BPIFA2: variants seen among roughly 807,000 people sequenced by gnomAD.
The protein encoded by BPIFA2 is BPI fold containing family A member 2.
In BPIFA2, 20 loss-of-function variants were observed where a neutral mutation model predicts 25.7. That is an observed-to-expected ratio of 0.78 (90% CI 0.55 to 1.13). The LOEUF is 1.13. Ranked by LOEUF, BPIFA2 falls within the 50% of genes most tolerant of loss-of-function variation. BPIFA2 has a pLI of 0.00. For synonymous variants in BPIFA2, 126 were observed against 124.3 expected (o/e 1.01, Z -0.09); for missense variants, 300 against 298.1 (o/e 1.01, Z -0.05).
At chr20:33,164,350 G>A (rs1271018765), upstream of BPIFA2, among the ~76,000 whole-genome samples, 4 of 152,096 alleles carry the variant, frequency 2.6e-5, no homozygotes, top group Non-Finnish European at 4.4e-5. Context: ...CAGAGAGCTC[G>A]CTCATGTCAA....
rs1983833327 is a variant in BPIFA2 at position 33,169,542 on chromosome 20, CA to C, written c.157+244del. On this transcript the variant is annotated intron_variant, in intron 2 of 8. Coordinates refer to ENST00000354932, the MANE Select transcript of BPIFA2 (RefSeq NM_080574.4). ...AGATAAATTCCTACAAGTGGGATTT[CA>C]AAAGTTCAAAAACTATGCTGTTGAC... is the stretch of plus-strand genomic sequence containing the variant. Among the ~76,000 whole-genome samples the C allele has an allele frequency of 5.3e-5, 8 of 152,306 alleles. No individual in the cohort carries two copies. In the South Asian group the frequency reaches 1.7e-3, roughly 32 times the overall value.
chr20:33,173,507 A>G (rs1171227371), intron 3 of BPIFA2, among the ~76,000 whole-genome samples: 2 of 151,882 alleles, frequency 1.3e-5, no homozygotes, highest in Non-Finnish European at 2.9e-5. Context: ...TATTATTGTT[A>G]TTATTATTAT....
intron 2 of BPIFA2, among the ~76,000 whole-genome samples, chr20:33,170,687 C>T (rs918472181): frequency 1.3e-5 from 2 of 152,226 alleles, no homozygotes; most frequent in Non-Finnish European, 2.9e-5. Context: ...AGCCACCACA[C>T]CCAGTCACGA....
chr20:33,174,023 G>C, intron 3 of BPIFA2, 56 bp from the exon 4 acceptor site: 1 of 1,458,524 alleles, frequency 6.9e-7, no homozygotes, highest in Non-Finnish European at 9.6e-7. Flanking sequence ...CCAGGGAAGT[G>C]GTTGGCAAGT....
intron 1 of BPIFA2, 123 bp from the exon 2 acceptor site, chr20:33,169,008 T>C (rs973114485): frequency 4.2e-6 from 4 of 942,742 alleles, no homozygotes; most frequent in Non-Finnish European, 6.4e-6. Context: ...TGCCCATTTG[T>C]AAAATAGGAA....
rs367714865 is a variant in BPIFA2 at position 33,174,074 on chromosome 20, C to T, written c.303-5C>T. 13 of 1,612,688 alleles carry T rather than the reference C, an allele frequency of 8.1e-6. No individual in the cohort carries two copies. The highest frequency in any genetic ancestry group is 1.3e-5 in the African/African-American group (1 of 74,880). On this transcript the variant is annotated splice_region_variant and splice_polypyrimidine_tract_variant and intron_variant, in intron 3 of 8. Coordinates refer to ENST00000354932, the MANE Select transcript of BPIFA2 (RefSeq NM_080574.4). ...TGACAAGGGTGAATTGTGGGTTTCA[C>T]ACAGGTTGAAAATCAGCAACTCCCT...
chr20:33,176,517 A>G (rs925789617), intron 5 of BPIFA2, among the ~76,000 whole-genome samples: 3 of 152,168 alleles, frequency 2.0e-5, no homozygotes, highest in African/African-American at 7.2e-5. Context: ...AAACCAAAGA[A>G]AGTTTCCATA....
chr20:33,169,422 C>A, intron 2 of BPIFA2, 120 bp downstream of exon 2: 2 of 940,096 alleles, frequency 2.1e-6, no homozygotes, highest in Non-Finnish European at 3.2e-6. Flanking sequence ...AGAAAAGTGG[C>A]TATTCAATTC....
chr20:33,179,554 G>T (rs1984199431), intron 6 of BPIFA2, 50 bp from the exon 7 acceptor site: 2 of 1,479,582 alleles, frequency 1.4e-6, no homozygotes, highest in Non-Finnish European at 9.4e-7. Context: ...AGAATGATCT[G>T]TTCTTCCTCC....
At chr20:33,174,864 T>A (rs1329057419) in intron 4 of BPIFA2, among the ~76,000 whole-genome samples, 3 of 152,216 alleles carry the variant, frequency 2.0e-5, no homozygotes, top group African/African-American at 7.2e-5. Flanking sequence ...TGAGCCGTGA[T>A]TGCACCACTG....
At chr20:33,170,220 T>C (rs1983854975) in intron 2 of BPIFA2, among the ~76,000 whole-genome samples, 1 of 152,228 alleles carries the variant, frequency 6.6e-6, no homozygotes, top group African/African-American at 2.4e-5. Context: ...TGTCATTCTC[T>C]GAATCATTAT....
At chr20:33,177,241 G>C (rs1270576700) in intron 5 of BPIFA2, among the ~76,000 whole-genome samples, 1 of 151,928 alleles carries the variant, frequency 6.6e-6, no homozygotes, top group Non-Finnish European at 1.5e-5. Flanking sequence ...TGTAATCCCA[G>C]CTACTCGGGA....
chr20:33,176,726 A>G (rs1984091107), intron 5 of BPIFA2, among the ~76,000 whole-genome samples: 1 of 152,036 alleles, frequency 6.6e-6, no homozygotes, highest in Non-Finnish European at 1.5e-5. Flanking sequence ...AGTGCTCCCC[A>G]TGGTCATGAA....
intron 5 of BPIFA2, 128 bp from the exon 6 acceptor site, chr20:33,178,015 CTGTT>C: frequency 1.7e-6 from 1 of 594,830 alleles, no homozygotes; most frequent in Non-Finnish European, 3.0e-6. Flanking sequence ...GAGGCTCTGT[CTGTT>C]AAAGTGTCTC....
intron 5 of BPIFA2, 131 bp downstream of exon 5, chr20:33,175,690 G>C: frequency 2.1e-6 from 2 of 969,940 alleles, no homozygotes; most frequent in Non-Finnish European, 1.5e-6. Flanking sequence ...TGTTGACCTT[G>C]GTTTACACAT....
At chr20:33,173,227 G>A (rs959257164) in intron 3 of BPIFA2, 151 bp downstream of exon 3, 8 of 891,920 alleles carry the variant, frequency 9.0e-6, no homozygotes, top group Non-Finnish European at 1.3e-5. Context: ...ACCCACCAGA[G>A]CTTGAGTAAA....
At chr20:33,178,981 T>G (rs1984178705) in intron 6 of BPIFA2, among the ~76,000 whole-genome samples, 1 of 152,188 alleles carries the variant, frequency 6.6e-6, no homozygotes, top group Non-Finnish European at 1.5e-5. Context: ...CATTTGACCC[T>G]TTAAAATTCC....
At chr20:33,173,984 G>A (rs1414923539) in intron 3 of BPIFA2, 95 bp from the exon 4 acceptor site, 13 of 970,154 alleles carry the variant, frequency 1.3e-5, no homozygotes, top group Admixed American at 5.3e-5. Context: ...CAAGGCTGAC[G>A]AGACCCAAAC....
intron 7 of BPIFA2, among the ~76,000 whole-genome samples, chr20:33,179,978 G>A (rs1234447606): frequency 2.0e-5 from 3 of 152,142 alleles, no homozygotes; most frequent in South Asian, 2.1e-4. Context: ...AGCACTTTGC[G>A]AGGCTGAGGT....
Sources: gnomAD v4.1 joint callset for allele counts (sites outside exome capture counted in the v4.1 genomes callset) on GRCh38, gnomAD v4.1.1 for gene constraint, MANE v1.5 for transcripts, NCBI Gene and HGNC (gene_info 2026-07-23, HGNC 2026-07-21) for gene names.